Variants in PNPLA1 observed in about 807,000 individuals in gnomAD.
PNPLA1 encodes the protein omega-hydroxyceramide transacylase.
In PNPLA1, 36 loss-of-function variants were observed where a neutral mutation model predicts 51.7. That is an observed-to-expected ratio of 0.70 (90% CI 0.53 to 0.92). PNPLA1 has a LOEUF of 0.92. PNPLA1 is among the 40% of genes least tolerant of loss of function. The probability of loss-of-function intolerance (pLI) is 0.00; values close to 1 mark genes in which losing one functional copy is unlikely to be tolerated. For synonymous variants in PNPLA1, 293 were observed against 280.1 expected, an observed-to-expected ratio of 1.05 and a Z score of -0.46; for missense variants, 658 against 682.5, an observed-to-expected ratio of 0.96 and a Z score of 0.40.
At chr6:36,307,346 C>T (rs1022563956) in intron 7 of PNPLA1, among the ~76,000 whole-genome samples, 9 of 152,096 alleles carry the variant, frequency 5.9e-5, no homozygotes, top group African/African-American at 1.9e-4. Flanking sequence ...ATAATTTAAA[C>T]TTTTTTGCAT....
At chr6:36,252,884 C>T (rs1769452663) in intron 1 of PNPLA1, among the ~76,000 whole-genome samples, 1 of 152,182 alleles carries the variant, frequency 6.6e-6, no homozygotes, top group Non-Finnish European at 1.5e-5. Flanking sequence ...ATCTGTTGGA[C>T]GAAAGGCAAT....
intron 5 of PNPLA1, among the ~76,000 whole-genome samples, chr6:36,300,117 C>T (rs756907293): frequency 5.3e-5 from 8 of 151,504 alleles, no homozygotes; most frequent in Non-Finnish European, 1.2e-4. Context: ...CACGTCTCCT[C>T]AGTTTCCTCT....
chr6:36,258,921 T>A (rs1338870387), intron 1 of PNPLA1, among the ~76,000 whole-genome samples: 2 of 152,216 alleles, frequency 1.3e-5, no homozygotes, highest in Admixed American at 6.5e-5. Flanking sequence ...AGAAGTCCTT[T>A]ATCCACAGAG....
At chr6:36,261,951 G>C (rs75501314) in intron 1 of PNPLA1, among the ~76,000 whole-genome samples, 2 of 152,158 alleles carry the variant, frequency 1.3e-5, no homozygotes. Context: ...GTAAACTCAG[G>C]GTGCCTTTAT....
At chr6:36,306,033 G>T (rs1219713846) in intron 6 of PNPLA1, among the ~76,000 whole-genome samples, 2 of 152,116 alleles carry the variant, frequency 1.3e-5, no homozygotes, top group Non-Finnish European at 2.9e-5. Context: ...GGGATTACAG[G>T]CATGAGCCAC....
intron 1 of PNPLA1, among the ~76,000 whole-genome samples, chr6:36,257,458 A>G (rs754223827): frequency 1.3e-4 from 20 of 152,364 alleles, no homozygotes; most frequent in Non-Finnish European, 2.5e-4. Context: ...CCTTGTCCTC[A>G]GGATGGCTAT....
intron 8 of PNPLA1, chr6:36,308,527 T>C (rs1771313000): frequency 6.6e-6 from 1 of 152,178 alleles, no homozygotes; most frequent in African/African-American, 2.4e-5. Flanking sequence ...AGTCAACACT[T>C]ATTGAGCACC....
In PNPLA1 at chr6:36,301,895, G is replaced by T; in HGVS notation, c.810G>T (p.Val270=). ...AVYLNSSSKR[V]IFPRVEVYCQ... ...ATCTTAATTCTTCCTCCAAGAGAGT[G>T]ATTTTCCCCCGGGTGGAAGTGTACT... Residue 270 remains valine, a synonymous_variant, in exon 6 of 9, where the codon GTG becomes GTT. Coordinates refer to ENST00000636260, the MANE Select transcript of PNPLA1 (RefSeq NM_001374623.1). The T allele has an allele frequency of 6.2e-7, 1 of 1,614,114 alleles. No homozygotes were observed. The highest frequency in any genetic ancestry group is 1.1e-5 in the South Asian group (1 of 91,052).
At chr6:36,254,683 T>C (rs1769493546) in intron 1 of PNPLA1, among the ~76,000 whole-genome samples, 1 of 152,150 alleles carries the variant, frequency 6.6e-6, no homozygotes. Context: ...GACCTGGCTT[T>C]CTCAACCAGG....
intron 1 of PNPLA1, among the ~76,000 whole-genome samples, chr6:36,247,257 A>T (rs1727477674): frequency 2.0e-5 from 3 of 151,194 alleles, no homozygotes; most frequent in African/African-American, 7.3e-5. Context: ...TCAAATCCCT[A>T]CTCCCTCCTT....
intron 1 of PNPLA1, among the ~76,000 whole-genome samples, chr6:36,261,068 A>G (rs1256092424): frequency 2.0e-5 from 3 of 152,160 alleles, no homozygotes; most frequent in African/African-American, 7.2e-5. Context: ...GGCTCAAGCA[A>G]TCCTCCCTCC....
Position 36,313,343 on chromosome 6 carries a change from G to A in PNPLA1, c.*1457G>A, listed in dbSNP as rs1209207357. On this transcript the variant is annotated 3_prime_UTR_variant, in exon 9 of 9. Transcript: ENST00000636260. The stretch of plus-strand genomic sequence containing the variant: ...AGAGAGCAGACAACCTCCAGGTCCC[G>A]CCAGGCCCAGCAAGGAAGCCCCAGC... Among the ~76,000 whole-genome samples, 2 of 152,072 alleles carry A rather than the reference G, an allele frequency of 1.3e-5. No homozygotes were observed. Among genetic ancestry groups the A allele is most frequent in the Admixed American group, 6.5e-5 (1 of 15,270 alleles).
chr6:36,272,720 C>G (rs1007120041), intron 1 of PNPLA1, among the ~76,000 whole-genome samples: 3 of 152,170 alleles, frequency 2.0e-5, no homozygotes, highest in East Asian at 1.9e-4. Flanking sequence ...GAAGGGCCGG[C>G]TGGGCTGTGT....
chr6:36,245,018 T>C (rs901533836), intron 1 of PNPLA1, among the ~76,000 whole-genome samples: 3 of 152,236 alleles, frequency 2.0e-5, no homozygotes, highest in African/African-American at 7.2e-5. Flanking sequence ...GTGCATTGGT[T>C]TGACCTAAAA....
intron 1 of PNPLA1, among the ~76,000 whole-genome samples, chr6:36,283,061 A>G (rs1770371095): frequency 6.6e-6 from 1 of 152,208 alleles, no homozygotes. Flanking sequence ...CTTTGCTAAA[A>G]TAGTACAGAG....
At chr6:36,280,851 G>A (rs1037871988) in intron 1 of PNPLA1, among the ~76,000 whole-genome samples, 14 of 152,156 alleles carry the variant, frequency 9.2e-5, no homozygotes, top group African/African-American at 2.2e-4. Context: ...GTGCAGAGGC[G>A]CCATCATAGC....
intron 1 of PNPLA1, among the ~76,000 whole-genome samples, chr6:36,284,550 T>A (rs1351069498): frequency 6.9e-6 from 1 of 145,076 alleles, no homozygotes; most frequent in Non-Finnish European, 1.5e-5. Flanking sequence ...CAACCATCCA[T>A]CCACTCATCC....
chr6:36,300,213 G>GAGAGAGAGAGAGAGAGAGAC, intron 5 of PNPLA1, among the ~76,000 whole-genome samples: 1 of 146,812 alleles, frequency 6.8e-6, no homozygotes, highest in South Asian at 2.2e-4. Flanking sequence ...GAGAGAGAGA[G>GAGAGAGAGAGAGAGAGAGAC]AGACAGAGTC....
chr6:36,291,579 G>GGGGGGGC, intron 2 of PNPLA1, 27 bp downstream of exon 2: 1 of 103,658 alleles, frequency 9.6e-6, no homozygotes, highest in Non-Finnish European at 2.0e-5. Flanking sequence ...GGGAGGGAGG[G>GGGGGGGC]ACACGGAGGG....
Sources: gnomAD v4.1 joint callset for allele counts (sites outside exome capture counted in the v4.1 genomes callset) on GRCh38, gnomAD v4.1.1 for gene constraint, MANE v1.5 for transcripts, NCBI Gene and HGNC (gene_info 2026-07-23, HGNC 2026-07-21) for gene names.